Variants in FBXL13 observed in about 807,000 individuals in gnomAD.
The protein encoded by FBXL13 is F-box and leucine rich repeat protein 13.
FBXL13 carries 67 observed loss-of-function variants against 83.6 expected under a neutral mutation model. The observed-to-expected ratio is 0.80, with a 90% CI of 0.66 to 0.98. The LOEUF is 0.98. Ranked by LOEUF, FBXL13 falls within the 50% of genes least tolerant of loss-of-function variation. FBXL13 has a pLI of 0.00. For missense variants in FBXL13, 822 were observed against 866.5 expected, an observed-to-expected ratio of 0.95 and a Z score of 0.64; for synonymous variants, 272 against 299.5, an observed-to-expected ratio of 0.91 and a Z score of 0.95.
chr7:102,835,603 G>GTTTTTTTTTTTTT (rs776220490), intron 17 of FBXL13, among the ~76,000 whole-genome samples: 1 of 97,526 alleles, frequency 1.0e-5, no homozygotes, highest in Non-Finnish European at 1.9e-5. Context: ...AGGTGACATT[G>GTTTTTTTTTTTTT]TTTTTTTTTT....
At chr7:102,914,113 T>C (rs1435361251) in intron 10 of FBXL13, among the ~76,000 whole-genome samples, 1 of 152,026 alleles carries the variant, frequency 6.6e-6, no homozygotes, top group African/African-American at 2.4e-5. Flanking sequence ...CCAGCTGGAG[T>C]ACAATGGTGA....
In FBXL13 at chr7:102,835,376, C is replaced by T. The variant is rs146660496; in HGVS notation, c.1720-2402G>A. ...GAATCTACCTTTGAATTATTGGAAT[C>T]AGTGGCCTGGAATCTCAGTTTGGAG... is the stretch of plus-strand genomic sequence containing the variant. On this transcript the variant is annotated intron_variant, in intron 17 of 19. Coordinates refer to ENST00000313221, the Ensembl canonical transcript of FBXL13. Among the ~76,000 whole-genome samples the T allele has an allele frequency of 9.2e-5, 14 of 152,280 alleles. No homozygotes were observed. In the East Asian group the frequency reaches 2.5e-3, roughly 27 times the overall value.
At chr7:102,835,603 GTTT>G (rs776220490) in intron 17 of FBXL13, among the ~76,000 whole-genome samples, 3 of 97,510 alleles carry the variant, frequency 3.1e-5, no homozygotes, top group Admixed American at 1.3e-4. Context: ...AGGTGACATT[GTTT>G]TTTTTTTTTT....
At chr7:102,909,110 T>C (rs948467014) in intron 11 of FBXL13, among the ~76,000 whole-genome samples, 10 of 152,162 alleles carry the variant, frequency 6.6e-5, no homozygotes, top group Non-Finnish European at 1.0e-4. Flanking sequence ...ATGCAAACTA[T>C]AGGATGCAGT....
chr7:102,959,553 T>G (rs1448861314), intron 8 of FBXL13, among the ~76,000 whole-genome samples: 1 of 152,086 alleles, frequency 6.6e-6, no homozygotes, highest in Non-Finnish European at 1.5e-5. Context: ...CTCATGCAAC[T>G]TCATTTTACC....
chr7:102,832,459 T>C (rs1800878026), intron 18 of FBXL13, among the ~76,000 whole-genome samples: 1 of 152,262 alleles, frequency 6.6e-6, no homozygotes, highest in African/African-American at 2.4e-5. Flanking sequence ...ATGGATTTAA[T>C]AACTTGTAAA....
chr7:102,863,931 ATC>A (rs1807249875), intron 16 of FBXL13, among the ~76,000 whole-genome samples: 2 of 151,624 alleles, frequency 1.3e-5, no homozygotes, highest in Admixed American at 1.3e-4. Context: ...CCCCCTAAAT[ATC>A]TCTCAAATCT....
chr7:102,954,130 G>A (rs1008968130), intron 8 of FBXL13, among the ~76,000 whole-genome samples: 4 of 152,140 alleles, frequency 2.6e-5, no homozygotes, highest in Admixed American at 6.6e-5. Flanking sequence ...GCAGAGCATC[G>A]CCTCACCCAG....
intron 17 of FBXL13, among the ~76,000 whole-genome samples, chr7:102,846,751 G>GCTTAAGAATCGTTCCTAAA (rs971354924): frequency 1.3e-5 from 2 of 152,046 alleles, no homozygotes; most frequent in Non-Finnish European, 2.9e-5. Context: ...TACTAAGGAA[G>GCTTAAGAATCGTTCCTAAA]CTTAATGGAC....
chr7:102,962,883 G>T (rs1041609340), intron 8 of FBXL13, among the ~76,000 whole-genome samples: 2 of 151,296 alleles, frequency 1.3e-5, no homozygotes, highest in African/African-American at 4.9e-5. Flanking sequence ...CCTAATGCTA[G>T]ATGACGAGTT....
chr7:102,836,013 T>G (rs919902174), intron 17 of FBXL13, among the ~76,000 whole-genome samples: 1 of 152,160 alleles, frequency 6.6e-6, no homozygotes, highest in African/African-American at 2.4e-5. Context: ...ATTTAAACTA[T>G]AAGAATAATT....
intron 14 of FBXL13, among the ~76,000 whole-genome samples, chr7:102,879,930 T>G (rs1414524467): frequency 6.6e-6 from 1 of 152,124 alleles, no homozygotes; most frequent in African/African-American, 2.4e-5. Context: ...ATGGTCTCGA[T>G]CTCCTGACCT....
chr7:102,970,229 C>A (rs1826476889), intron 6 of FBXL13, among the ~76,000 whole-genome samples: 1 of 151,902 alleles, frequency 6.6e-6, no homozygotes, highest in South Asian at 2.1e-4. Context: ...CCAGCCTGGG[C>A]AACAGAGCAA....
chr7:102,973,555 C>T, intron 6 of FBXL13: 1 of 765,108 alleles, frequency 1.3e-6, no homozygotes. Context: ...GGTTGCTCCA[C>T]ACTGCCTCGT....
chr7:102,885,981 T>C (rs757892516), intron 11 of FBXL13, among the ~76,000 whole-genome samples: 12 of 152,228 alleles, frequency 7.9e-5, no homozygotes, highest in Non-Finnish European at 1.8e-4. Flanking sequence ...TTGTTCTATA[T>C]GTCTATCCTT....
At chr7:103,018,826 C>G (rs935972218) in intron 6 of FBXL13, among the ~76,000 whole-genome samples, 9 of 152,170 alleles carry the variant, frequency 5.9e-5, no homozygotes, top group African/African-American at 1.9e-4. Flanking sequence ...ATTCATAAAG[C>G]AAGTCCTTAG....
At chr7:102,931,759 T>C in intron 9 of FBXL13, 122 bp downstream of exon 10, 1 of 803,640 alleles carries the variant, frequency 1.2e-6, no homozygotes, top group East Asian at 2.7e-5. Flanking sequence ...ATGTTTAACA[T>C]AGTTTGCTCT....
intron 11 of FBXL13, among the ~76,000 whole-genome samples, chr7:102,887,752 TAAAAAC>T (rs921485113): frequency 1.1e-4 from 17 of 152,252 alleles, no homozygotes; most frequent in African/African-American, 3.8e-4. Context: ...ATCTCAAAAA[TAAAAAC>T]AAAACAAACC....
At chr7:102,917,536 G>T (rs1377568455) in intron 10 of FBXL13, among the ~76,000 whole-genome samples, 1 of 152,162 alleles carries the variant, frequency 6.6e-6, no homozygotes, top group East Asian at 1.9e-4. Flanking sequence ...AGGTGTGAAG[G>T]CTGTAGATTA....
Sources: allele counts gnomAD v4.1 joint callset (sites outside exome capture counted in the v4.1 genomes callset), GRCh38; gene constraint gnomAD v4.1.1; transcripts MANE v1.5; gene names NCBI Gene and HGNC (gene_info 2026-07-23, HGNC 2026-07-21).